Variants in UNC5B observed in about 807,000 individuals in gnomAD.
The protein encoded by UNC5B is netrin receptor UNC5B.
In UNC5B, 56 loss-of-function variants were observed where a neutral mutation model predicts 103.7. The observed-to-expected ratio is 0.54, with a 90% CI of 0.44 to 0.67. The LOEUF (loss-of-function observed/expected upper bound fraction) is 0.67. UNC5B is among the 30% of genes least tolerant of loss of function. The probability of loss-of-function intolerance (pLI) is 0.00; values close to 1 mark genes in which losing one functional copy is unlikely to be tolerated. For synonymous variants in UNC5B, 577 were observed against 542.0 expected (o/e 1.06, Z -0.90); for missense variants, 1,194 against 1,284.5 (o/e 0.93, Z 1.08).
intron 1 of UNC5B, among the ~76,000 whole-genome samples, chr10:71,234,893 C>T (rs1378712475): frequency 6.6e-6 from 1 of 152,172 alleles, no homozygotes; most frequent in African/African-American, 2.4e-5. Context: ...CAGGGAGACT[C>T]ATCCTAAAAG....
At chr10:71,264,622 T>C (rs186392793) in intron 1 of UNC5B, among the ~76,000 whole-genome samples, 1 of 152,372 alleles carries the variant, frequency 6.6e-6, no homozygotes, top group Admixed American at 6.5e-5. Context: ...CACCATTATG[T>C]GCACTAAGCG....
At chr10:71,284,162 G>A (rs973432308) in intron 2 of UNC5B, among the ~76,000 whole-genome samples, 1 of 152,218 alleles carries the variant, frequency 6.6e-6, no homozygotes, top group African/African-American at 2.4e-5. Flanking sequence ...CTGTCGGGGA[G>A]GCGCAGGGTG....
At chr10:71,270,745 A>G (rs529097699) in intron 1 of UNC5B, among the ~76,000 whole-genome samples, 1 of 152,316 alleles carries the variant, frequency 6.6e-6, no homozygotes, top group South Asian at 2.1e-4. Flanking sequence ...GCATCCTCCC[A>G]GATGGGACCT....
chr10:71,297,656 G>A (rs924138536), intron 15 of UNC5B, among the ~76,000 whole-genome samples: 1 of 152,262 alleles, frequency 6.6e-6, no homozygotes, highest in African/African-American at 2.4e-5. Flanking sequence ...TCCTAACCAT[G>A]AGGCTGCATC....
At chr10:71,297,020 C>G (rs1336727867) in intron 15 of UNC5B, among the ~76,000 whole-genome samples, 2 of 140,938 alleles carry the variant, frequency 1.4e-5, no homozygotes, top group Non-Finnish European at 3.2e-5. Flanking sequence ...GATATTCCGG[C>G]TGCACAGCAC....
chr10:71,258,646 C>T (rs983019667), intron 1 of UNC5B, among the ~76,000 whole-genome samples: 2 of 152,186 alleles, frequency 1.3e-5, no homozygotes, highest in African/African-American at 2.4e-5. Flanking sequence ...AGGGACTTGT[C>T]CAAGGTCACA....
chr10:71,257,215 T>C (rs1844311048), intron 1 of UNC5B, among the ~76,000 whole-genome samples: 1 of 152,176 alleles, frequency 6.6e-6, no homozygotes, highest in Non-Finnish European at 1.5e-5. Flanking sequence ...ACCTAGCTCC[T>C]TTCCACTGAT....
At chr10:71,298,858 A>T (rs1845514261) in intron 16 of UNC5B, among the ~76,000 whole-genome samples, 1 of 152,192 alleles carries the variant, frequency 6.6e-6, no homozygotes, top group East Asian at 1.9e-4. Flanking sequence ...CCCTTACTTT[A>T]TATGATCTTG....
At chr10:71,295,669 C>T (rs1845388265) in intron 13 of UNC5B, 142 bp from the exon 14 acceptor site, 1 of 938,198 alleles carries the variant, frequency 1.1e-6, no homozygotes, top group Non-Finnish European at 1.6e-6. Context: ...CATCTTCTCA[C>T]ACCATAAGCC....
chr10:71,264,600 AC>A (rs1844483566), intron 1 of UNC5B, among the ~76,000 whole-genome samples: 1 of 152,256 alleles, frequency 6.6e-6, no homozygotes, highest in African/African-American at 2.4e-5. Context: ...AAGGAAGCTG[AC>A]ATATGTTAAG....
At position 71,284,746 on chromosome 10, in the gene UNC5B, G is replaced by A. The variant is rs745406974; in HGVS notation, c.331G>A (p.Glu111Lys). The A allele has an allele frequency of 1.1e-5, 16 of 1,475,186 alleles. No individual in the cohort carries two copies. The highest frequency in any genetic ancestry group is 8.9e-5 in the South Asian group (7 of 78,700). 91.4% of individuals were successfully genotyped at this position (1,475,186 alleles called of 1,614,324 possible). The change falls in exon 3 of 17, where the codon GAG becomes AAG. Residue 111 changes from glutamate (E) to lysine (K), a missense_variant. Coordinates refer to ENST00000335350, the MANE Select transcript of UNC5B (RefSeq NM_170744.5). Reference sequence around the variant, plus strand: ...CCTGCGGGTGCGCGAGGTGCAGATCGAGGTGTCGCGGCAGCAGGTGGAGGA... The same window carrying A: ...CCTGCGGGTGCGCGAGGTGCAGATCAAGGTGTCGCGGCAGCAGGTGGAGGA... ...TGLRVREVQI[E>K]VSRQQVEELF...
chr10:71,298,905 T>C (rs947058123), intron 16 of UNC5B, among the ~76,000 whole-genome samples: 2 of 152,224 alleles, frequency 1.3e-5, no homozygotes, highest in South Asian at 2.1e-4. Context: ...GTTCCCATTT[T>C]AGAGACAAGG....
chr10:71,296,676 C>A lies in UNC5B; in HGVS notation c.2424C>A (p.Cys808Ter). ...GCTTGGCCTCCACAGAGCTCACCTGCAAGATCTGCGTGCGGCAAGTGGAAG... is the reference window on the plus strand; with the variant it reads ...GCTTGGCCTCCACAGAGCTCACCTGAAAGATCTGCGTGCGGCAAGTGGAAG... ...RHSLASTELT[C>*]KICVRQVEGE... Residue 808 changes from cysteine to a stop codon, truncating the protein, a stop_gained, in exon 15 of 17, where the codon TGC becomes TGA. Transcript: ENST00000335350. LOFTEE classifies it high-confidence loss of function. The A allele has an allele frequency of 6.2e-7, 1 of 1,613,744 alleles. No individual in the cohort carries two copies. Among genetic ancestry groups the A allele is most frequent in the Non-Finnish European group, 8.5e-7 (1 of 1,179,810 alleles).
At chr10:71,240,305 G>C (rs956617781) in intron 1 of UNC5B, among the ~76,000 whole-genome samples, 4 of 152,256 alleles carry the variant, frequency 2.6e-5, no homozygotes, top group Non-Finnish European at 5.9e-5. Context: ...CACTGGCCCA[G>C]GCCAGCCACT....
chr10:71,243,670 G>T (rs994813330), intron 1 of UNC5B, among the ~76,000 whole-genome samples: 1 of 152,142 alleles, frequency 6.6e-6, no homozygotes, highest in African/African-American at 2.4e-5. Flanking sequence ...CTCCTCAGAG[G>T]CCACCCCACC....
intron 2 of UNC5B, among the ~76,000 whole-genome samples, chr10:71,281,752 C>G (rs1844935402): frequency 6.6e-6 from 1 of 152,264 alleles, no homozygotes; most frequent in South Asian, 2.1e-4. Flanking sequence ...CCCAGTTCTT[C>G]TCTTCGTAAA....
chr10:71,220,495 G>T (rs987358966), intron 1 of UNC5B, among the ~76,000 whole-genome samples: 4 of 152,154 alleles, frequency 2.6e-5, no homozygotes, highest in African/African-American at 9.7e-5. Flanking sequence ...TTAGCTGCGG[G>T]TGCAGAAGAG....
chr10:71,301,299 A>G lies in UNC5B; in HGVS notation c.*2022A>G, dbSNP rs937970649. ...GACTCAGTAGCTCGTGGGGCTTCTT[A>G]CCACCCACCAGCCCCGCTGGGGTGC... On this transcript the variant is annotated 3_prime_UTR_variant, in exon 17 of 17. Coordinates refer to ENST00000335350, the MANE Select transcript of UNC5B (RefSeq NM_170744.5). The G allele has an allele frequency of 6.6e-6, 1 of 152,038 alleles. No homozygotes were observed. Among genetic ancestry groups the G allele is most frequent in the African/African-American group, 2.4e-5 (1 of 41,366 alleles). The allele number at this position is 152,038 out of a possible 1,614,324, so 9.4% of individuals were successfully genotyped here. A position where few individuals can be genotyped will look rare whatever the true frequency, so the allele number is the denominator to read the frequency against.
rs764743819 is a variant in UNC5B at position 71,291,458 on chromosome 10, G to A, written c.1321G>A (p.Val441Met). The change falls in exon 10 of 17, where the codon GTG becomes ATG. Residue 441 changes from valine (V) to methionine (M), a missense_variant. Transcript: ENST00000335350. Reference sequence around the variant, plus strand: ...CAACCCGCAGCTCCTACACCCCTCTGTGCCTCCTGACCTGACAGCCAGCGC... The same window carrying A: ...CAACCCGCAGCTCCTACACCCCTCTATGCCTCCTGACCTGACAGCCAGCGC... ...PSNPQLLHPS[V>M]PPDLTASAGI... 1.8e-5 allele frequency: 29 copies of A among 1,612,624 alleles called. No individual in the cohort carries two copies. The highest frequency in any genetic ancestry group is 2.5e-5 in the Non-Finnish European group (29 of 1,179,226).
Sources: gnomAD v4.1 joint callset for allele counts (sites outside exome capture counted in the v4.1 genomes callset) on GRCh38, gnomAD v4.1.1 for gene constraint, MANE v1.5 for transcripts, NCBI Gene and HGNC (gene_info 2026-07-23, HGNC 2026-07-21) for gene names.